Variants in DPP10 observed in about 807,000 individuals in gnomAD.
DPP10 encodes the protein inactive dipeptidyl peptidase 10.
A neutral mutation model predicts 120.9 loss-of-function variants in DPP10; 33 were observed. The observed-to-expected ratio is 0.27, with a 90% CI of 0.21 to 0.37. DPP10 has a LOEUF of 0.37. Among genes scored for constraint, DPP10 ranks in the 10% least tolerant of loss-of-function variants. DPP10 has a pLI of 1.00. For synonymous variants in DPP10, 337 were observed against 326.1 expected (o/e 1.03, Z -0.36); for missense variants, 816 against 942.8 (o/e 0.87, Z 1.76).
At chr2:115,204,767 A>T (rs1027265594) in intron 1 of DPP10, among the ~76,000 whole-genome samples, 1 of 152,126 alleles carries the variant, frequency 6.6e-6, no homozygotes, top group Non-Finnish European at 1.5e-5. Flanking sequence ...TACATGAGTG[A>T]GAAGACTTTT....
chr2:115,586,520 C>T (rs1177187127), intron 5 of DPP10, among the ~76,000 whole-genome samples: 1 of 152,080 alleles, frequency 6.6e-6, no homozygotes, highest in African/African-American at 2.4e-5. Flanking sequence ...GAAAAAATGC[C>T]TTATTACACT....
At chr2:115,612,256 A>G (rs1230434351) in intron 5 of DPP10, among the ~76,000 whole-genome samples, 2 of 152,180 alleles carry the variant, frequency 1.3e-5, no homozygotes, top group African/African-American at 2.4e-5. Flanking sequence ...AAAAGAATCT[A>G]TGAGCATTTG....
At chr2:114,756,866 A>G (rs1055801922) in intron 1 of DPP10, among the ~76,000 whole-genome samples, 1 of 152,134 alleles carries the variant, frequency 6.6e-6, no homozygotes, top group Non-Finnish European at 1.5e-5. Context: ...TTATACTCCT[A>G]GGAAAAATTA....
At chr2:114,811,491 C>T (rs1431896530) in intron 1 of DPP10, among the ~76,000 whole-genome samples, 1 of 152,054 alleles carries the variant, frequency 6.6e-6, no homozygotes, top group African/African-American at 2.4e-5. Context: ...ACAACCCCAC[C>T]ATCAGCATCA....
chr2:115,727,830 A>G lies in DPP10; in HGVS notation c.591A>G (p.Glu197=). The change falls in exon 8 of 26, where the codon GAA becomes GAG. Residue 197 remains glutamate (E), a synonymous_variant. Transcript: ENST00000410059. ...TCCTGATCCAGATTTATATTTTTGA[A>G]AATAATATCTACTATCAACCTGATA... ...VQGQQLIYIF[E]NNIYYQPDIK... 2 of 1,584,606 alleles carry G rather than the reference A, an allele frequency of 1.3e-6. No individual in the cohort carries two copies. Among genetic ancestry groups the G allele is most frequent in the Non-Finnish European group, 1.7e-6 (2 of 1,169,954 alleles).
chr2:114,955,020 G>C (rs1037723480), intron 1 of DPP10, among the ~76,000 whole-genome samples: 1 of 152,168 alleles, frequency 6.6e-6, no homozygotes, highest in East Asian at 1.9e-4. Flanking sequence ...TACAGGAATA[G>C]GGTTCCAATC....
At chr2:114,824,003 A>G (rs1686318295) in intron 1 of DPP10, among the ~76,000 whole-genome samples, 1 of 152,180 alleles carries the variant, frequency 6.6e-6, no homozygotes, top group South Asian at 2.1e-4. Context: ...CTAAAGAATA[A>G]TGTGGCTTGA....
intron 2 of DPP10, among the ~76,000 whole-genome samples, chr2:115,315,194 TA>T (rs11399916): frequency 2.7e-5 from 4 of 149,300 alleles, no homozygotes; most frequent in African/African-American, 9.9e-5. Flanking sequence ...GACAACAGAT[TA>T]AAAAAAAAAG....
At chr2:114,836,572 G>A (rs553666053) in intron 1 of DPP10, among the ~76,000 whole-genome samples, 2 of 152,308 alleles carry the variant, frequency 1.3e-5, no homozygotes, top group East Asian at 3.9e-4. Context: ...TGGAGGCAGG[G>A]CGAGATCACA....
intron 1 of DPP10, among the ~76,000 whole-genome samples, chr2:114,796,046 A>G (rs1683681278): frequency 6.6e-6 from 1 of 152,148 alleles, no homozygotes; most frequent in Non-Finnish European, 1.5e-5. Context: ...CCTACTGTCC[A>G]CTTAAAACTC....
At chr2:115,536,670 G>A (rs1040979966) in intron 5 of DPP10, among the ~76,000 whole-genome samples, 11 of 151,998 alleles carry the variant, frequency 7.2e-5, no homozygotes, top group South Asian at 2.1e-4. Context: ...TATAGGACAC[G>A]AATGCTTTTT....
chr2:114,890,100 C>G (rs941690865), intron 1 of DPP10, among the ~76,000 whole-genome samples: 2 of 152,154 alleles, frequency 1.3e-5, no homozygotes, highest in Non-Finnish European at 1.5e-5. Flanking sequence ...GAGAGACAAA[C>G]ATGTTTAATG....
chr2:115,685,466 C>T (rs866887225), intron 5 of DPP10, among the ~76,000 whole-genome samples: 55 of 151,956 alleles, frequency 3.6e-4, no homozygotes, highest in African/African-American at 1.1e-3. Context: ...CTTGTTGCAC[C>T]GAATGGAACA....
chr2:115,497,311 A>G (rs1366027091), intron 3 of DPP10, among the ~76,000 whole-genome samples: 1 of 152,114 alleles, frequency 6.6e-6, no homozygotes, highest in Non-Finnish European at 1.5e-5. Context: ...AGGTTAAACT[A>G]TAAACTAAAT....
At chr2:114,695,509 A>T (rs1422609736) in intron 1 of DPP10, among the ~76,000 whole-genome samples, 3 of 152,072 alleles carry the variant, frequency 2.0e-5, no homozygotes, top group Admixed American at 6.6e-5. Context: ...CATAATTATC[A>T]AGAGAAAAAA....
At chr2:115,325,241 G>A (rs997179040) in intron 2 of DPP10, among the ~76,000 whole-genome samples, 1 of 152,100 alleles carries the variant, frequency 6.6e-6, no homozygotes, top group African/African-American at 2.4e-5. Flanking sequence ...ATTGAGCAAA[G>A]CACAATAAAA....
At chr2:115,331,919 C>A (rs1403429735) in intron 2 of DPP10, among the ~76,000 whole-genome samples, 2 of 152,118 alleles carry the variant, frequency 1.3e-5, no homozygotes, top group Admixed American at 6.6e-5. Context: ...GCTTTGGTAT[C>A]AGGATGATGC....
intron 1 of DPP10, among the ~76,000 whole-genome samples, chr2:114,484,795 T>G (rs758509311): frequency 1.3e-5 from 2 of 152,138 alleles, no homozygotes; most frequent in Non-Finnish European, 2.9e-5. Context: ...TAAATGAATA[T>G]ATAGCATAAT....
intron 3 of DPP10, among the ~76,000 whole-genome samples, chr2:115,442,386 T>TGTGC (rs898555775): frequency 2.6e-5 from 3 of 116,858 alleles, no homozygotes; most frequent in African/African-American, 5.8e-5. Context: ...TGTGTGTGTG[T>TGTGC]GCGTGTGTCG....
Sources: gnomAD v4.1 joint callset for allele counts (sites outside exome capture counted in the v4.1 genomes callset) on GRCh38, gnomAD v4.1.1 for gene constraint, MANE v1.5 for transcripts, NCBI Gene and HGNC (gene_info 2026-07-23, HGNC 2026-07-21) for gene names.